Variants in PKIB observed in about 807,000 individuals in gnomAD.
The protein encoded by PKIB is PKI-beta.
Under a neutral mutation model 4.5 loss-of-function variants are expected in PKIB, and 2 were observed. That is an observed-to-expected ratio of 0.44 (90% CI 0.18 to 1.39). The LOEUF (loss-of-function observed/expected upper bound fraction) is 1.39, where lower values mean the gene tolerates loss of function less well. Ranked by LOEUF, PKIB falls within the 40% of genes most tolerant of loss-of-function variation. The pLI is 0.27. For synonymous variants in PKIB, 38 were observed against 36.0 expected, an observed-to-expected ratio of 1.06 and a Z score of -0.20; for missense variants, 94 against 92.6, an observed-to-expected ratio of 1.02 and a Z score of -0.06.
At chr6:122,675,962 A>G (rs542158212) in intron 3 of PKIB, among the ~76,000 whole-genome samples, 6 of 150,386 alleles carry the variant, frequency 4.0e-5, no homozygotes, top group Non-Finnish European at 8.9e-5. Context: ...ATGGAAGACA[A>G]TTTTTCCACA....
intron 3 of PKIB, among the ~76,000 whole-genome samples, chr6:122,700,216 A>G (rs1367839364): frequency 3.1e-5 from 3 of 97,220 alleles, no homozygotes. Context: ...TATCCAGGAT[A>G]TTTTTTTCTT....
At chr6:122,548,606 A>G (rs1277457164) in intron 2 of PKIB, among the ~76,000 whole-genome samples, 2 of 152,206 alleles carry the variant, frequency 1.3e-5, no homozygotes, top group Non-Finnish European at 2.9e-5. Flanking sequence ...AGAGTTAAGC[A>G]TTTGATTTTA....
At chr6:122,524,853 CT>C (rs56751688) in intron 2 of PKIB, among the ~76,000 whole-genome samples, 7 of 151,096 alleles carry the variant, frequency 4.6e-5, no homozygotes, top group African/African-American at 9.7e-5. Flanking sequence ...AGTTGTCTTT[CT>C]TTTTTTTAAC....
At chr6:122,482,980 G>A (rs1775667944) in intron 2 of PKIB, 1 of 151,026 alleles carries the variant, frequency 6.6e-6, no homozygotes, top group African/African-American at 2.4e-5. Flanking sequence ...AAATAAGCTA[G>A]TGTTTGAGTG....
chr6:122,504,115 C>A (rs2114565150), intron 2 of PKIB, among the ~76,000 whole-genome samples: 1 of 151,922 alleles, frequency 6.6e-6, no homozygotes. Flanking sequence ...ATGTTTGTTG[C>A]CTTTTGTGGT....
chr6:122,665,749 C>T (rs1341184659), intron 2 of PKIB, among the ~76,000 whole-genome samples: 1 of 152,074 alleles, frequency 6.6e-6, no homozygotes, highest in Non-Finnish European at 1.5e-5. Flanking sequence ...ATTTTCTGGT[C>T]CTATGCATAT....
intron 4 of PKIB, among the ~76,000 whole-genome samples, chr6:122,719,244 T>G (rs1431937168): frequency 2.6e-5 from 4 of 152,142 alleles, no homozygotes; most frequent in African/African-American, 9.7e-5. Flanking sequence ...AAATACACTG[T>G]GGGAGAGTCA....
intron 2 of PKIB, among the ~76,000 whole-genome samples, chr6:122,634,550 C>A (rs1775835369): frequency 6.6e-6 from 1 of 151,974 alleles, no homozygotes; most frequent in African/African-American, 2.4e-5. Flanking sequence ...GTTCTTCTCC[C>A]CCTCTCAGAT....
At chr6:122,677,842 T>A (rs1031327994) in intron 3 of PKIB, among the ~76,000 whole-genome samples, 1 of 141,116 alleles carries the variant, frequency 7.1e-6, no homozygotes, top group Non-Finnish European at 1.5e-5. Flanking sequence ...AGCTTTCTTT[T>A]CTTCCTTCCT....
chr6:122,598,872 C>G (rs1304966564), intron 3 of PKIB, among the ~76,000 whole-genome samples: 1 of 152,144 alleles, frequency 6.6e-6, no homozygotes, highest in Non-Finnish European at 1.5e-5. Context: ...GGGCCCAAAT[C>G]AATAAATTCA....
intron 2 of PKIB, among the ~76,000 whole-genome samples, chr6:122,672,721 TATATA>T (rs1777516023): frequency 1.3e-5 from 2 of 151,684 alleles, no homozygotes; most frequent in African/African-American, 2.4e-5. Flanking sequence ...GTATTTAACA[TATATA>T]ATAATAATAT....
intron 1 of PKIB, among the ~76,000 whole-genome samples, chr6:122,616,321 T>C (rs950205459): frequency 3.9e-5 from 6 of 152,272 alleles, no homozygotes; most frequent in African/African-American, 1.4e-4. Flanking sequence ...ACTTTTGTTT[T>C]GACAAGTAGA....
At chr6:122,640,361 A>G (rs946413697) in intron 2 of PKIB, among the ~76,000 whole-genome samples, 1 of 152,196 alleles carries the variant, frequency 6.6e-6, no homozygotes, top group African/African-American at 2.4e-5. Context: ...TGCCAAGACA[A>G]TTGTTCTACT....
chr6:122,594,610 G>C (rs1774117847), intron 3 of PKIB, among the ~76,000 whole-genome samples: 3 of 152,318 alleles, frequency 2.0e-5, no homozygotes, highest in South Asian at 4.1e-4. Context: ...TGGTCATGTG[G>C]TCATAACTGG....
intron 2 of PKIB, among the ~76,000 whole-genome samples, chr6:122,518,829 GTA>G (rs1562236982): frequency 1.3e-5 from 2 of 152,024 alleles, no homozygotes; most frequent in East Asian, 3.9e-4. Context: ...TATTTTTAAA[GTA>G]TCTGTTAAAA....
intron 2 of PKIB, among the ~76,000 whole-genome samples, chr6:122,581,502 G>C (rs1294641998): frequency 6.6e-6 from 1 of 152,096 alleles, no homozygotes; most frequent in Non-Finnish European, 1.5e-5. Flanking sequence ...GACTTAAATA[G>C]ATTTGGAATG....
At chr6:122,717,475 G>C in intron 3 of PKIB, 1 of 387,192 alleles carries the variant, frequency 2.6e-6, no homozygotes, top group South Asian at 1.0e-4. Context: ...CCAAGCCCTA[G>C]TTTGGCTGAT....
chr6:122,537,607 T>A (rs989423153), intron 2 of PKIB, among the ~76,000 whole-genome samples: 1 of 152,194 alleles, frequency 6.6e-6, no homozygotes, highest in Admixed American at 6.5e-5. Flanking sequence ...GTTCCAAGTC[T>A]TTGCTATTGT....
intron 2 of PKIB, among the ~76,000 whole-genome samples, chr6:122,561,996 T>TTTTG (rs1773037393): frequency 7.5e-6 from 1 of 133,448 alleles, no homozygotes; most frequent in African/African-American, 3.1e-5. Context: ...TTGTTTTTGT[T>TTTTG]TTTTTTTGTT....
Sources: gnomAD v4.1 joint callset for allele counts (sites outside exome capture counted in the v4.1 genomes callset) on GRCh38, gnomAD v4.1.1 for gene constraint, MANE v1.5 for transcripts, NCBI Gene and HGNC (gene_info 2026-07-23, HGNC 2026-07-21) for gene names.